MTUS2: variants seen among roughly 807,000 people sequenced by gnomAD.
The protein encoded by MTUS2 is microtubule-associated tumor suppressor candidate 2.
A neutral mutation model predicts 114.1 loss-of-function variants in MTUS2; 40 were observed. The ratio of observed to expected loss-of-function variants is 0.35; its 90% confidence interval spans 0.27 to 0.46. MTUS2 has a LOEUF of 0.46. Ranked by LOEUF, MTUS2 falls within the 20% of genes least tolerant of loss-of-function variation. MTUS2 has a pLI of 1.00. For synonymous variants in MTUS2, 688 were observed against 672.0 expected (o/e 1.02, Z -0.37); for missense variants, 1,679 against 1,705.4 (o/e 0.98, Z 0.27).
At chr13:29,174,776 T>C (rs933894961) in intron 5 of MTUS2, among the ~76,000 whole-genome samples, 3 of 152,220 alleles carry the variant, frequency 2.0e-5, no homozygotes, top group Non-Finnish European at 2.9e-5. Flanking sequence ...GGTTTGTCCC[T>C]TTATCCCAGC....
At chr13:28,920,330 C>A (rs1055315497) in intron 2 of MTUS2, among the ~76,000 whole-genome samples, 2 of 152,162 alleles carry the variant, frequency 1.3e-5, no homozygotes, top group African/African-American at 4.8e-5. Flanking sequence ...GAGGTGCTGC[C>A]TTGGTGGTCT....
chr13:29,324,849 G>A, intron 7 of MTUS2, 138 bp downstream of exon 7: 2 of 649,918 alleles, frequency 3.1e-6, no homozygotes, highest in Middle Eastern at 5.1e-4. Flanking sequence ...ATATGCTGAT[G>A]TTTTCTGACT....
intron 7 of MTUS2, among the ~76,000 whole-genome samples, chr13:29,340,434 A>G (rs1328301090): frequency 6.6e-6 from 1 of 152,200 alleles, no homozygotes; most frequent in Non-Finnish European, 1.5e-5. Context: ...TCATTTACTC[A>G]TATCAGTAAA....
At chr13:29,377,017 G>C (rs1033909301) in intron 8 of MTUS2, among the ~76,000 whole-genome samples, 1 of 152,114 alleles carries the variant, frequency 6.6e-6, no homozygotes, top group Non-Finnish European at 1.5e-5. Flanking sequence ...TATCATAGAA[G>C]AAGAAGAATG....
chr13:29,290,709 CCTT>C (rs1174651581), intron 6 of MTUS2, among the ~76,000 whole-genome samples: 1 of 152,166 alleles, frequency 6.6e-6, no homozygotes, highest in Non-Finnish European at 1.5e-5. Flanking sequence ...ACCTGTCTCT[CCTT>C]CAGGTCTTGA....
intron 2 of MTUS2, among the ~76,000 whole-genome samples, chr13:28,849,785 G>A (rs187897528): frequency 1.3e-5 from 2 of 152,066 alleles, no homozygotes; most frequent in African/African-American, 4.8e-5. Flanking sequence ...TGCCCATGAC[G>A]TTCTTCTGTC....
intron 6 of MTUS2, among the ~76,000 whole-genome samples, chr13:29,309,173 A>G (rs968768720): frequency 6.6e-6 from 1 of 152,218 alleles, no homozygotes; most frequent in African/African-American, 2.4e-5. Context: ...CATGGAGTCA[A>G]CCCAAATTCC....
chr13:29,497,170 G>A, intron 12 of MTUS2, 68 bp from the exon 13 acceptor site: 1 of 1,413,870 alleles, frequency 7.1e-7, no homozygotes, highest in Non-Finnish European at 1.0e-6. Flanking sequence ...GCTGATCACA[G>A]CTGCCCAGGC....
intron 4 of MTUS2, among the ~76,000 whole-genome samples, chr13:29,070,277 GTTTC>G (rs1250369729): frequency 6.6e-6 from 1 of 152,112 alleles, no homozygotes; most frequent in East Asian, 1.9e-4. Context: ...TAATCCATGT[GTTTC>G]TCCTCTCTGG....
intron 9 of MTUS2, among the ~76,000 whole-genome samples, chr13:29,462,958 T>C (rs1301726800): frequency 1.3e-5 from 2 of 152,042 alleles, no homozygotes; most frequent in East Asian, 3.9e-4. Flanking sequence ...ACTTTGCAGG[T>C]ATGATTAACT....
At chr13:29,459,430 T>G (rs1010993828) in intron 9 of MTUS2, among the ~76,000 whole-genome samples, 6 of 152,170 alleles carry the variant, frequency 3.9e-5, no homozygotes, top group African/African-American at 1.4e-4. Context: ...TTCCTCGTTA[T>G]TATTATAGTG....
chr13:29,143,650 G>A (rs888566961), intron 5 of MTUS2, among the ~76,000 whole-genome samples: 1 of 152,204 alleles, frequency 6.6e-6, no homozygotes, highest in Non-Finnish European at 1.5e-5. Context: ...TTGATGGGGT[G>A]CCTCAGGAAT....
chr13:29,483,375 T>A (rs1272028851), intron 10 of MTUS2, among the ~76,000 whole-genome samples: 1 of 152,220 alleles, frequency 6.6e-6, no homozygotes, highest in Non-Finnish European at 1.5e-5. Context: ...CAGAGCTGCT[T>A]CTTGCTTGGC....
chr13:29,097,690 T>A (rs1260690578), intron 4 of MTUS2, among the ~76,000 whole-genome samples: 1 of 152,178 alleles, frequency 6.6e-6, no homozygotes, highest in Non-Finnish European at 1.5e-5. Context: ...ATCTTCTCAT[T>A]ATATCTTCAC....
At chr13:29,388,342 G>A (rs1195545362) in intron 8 of MTUS2, among the ~76,000 whole-genome samples, 2 of 151,812 alleles carry the variant, frequency 1.3e-5, no homozygotes, top group Admixed American at 6.6e-5. Flanking sequence ...GATTAATTTT[G>A]TGGGTAAAAT....
At chr13:29,399,437 A>C (rs763875043) in intron 8 of MTUS2, among the ~76,000 whole-genome samples, 4 of 152,204 alleles carry the variant, frequency 2.6e-5, no homozygotes, top group Admixed American at 1.3e-4. Context: ...TTCAAGATGC[A>C]GTTGCCCTCG....
chr13:28,849,296 T>C (rs928114688), intron 2 of MTUS2, among the ~76,000 whole-genome samples: 5 of 152,186 alleles, frequency 3.3e-5, no homozygotes, highest in African/African-American at 1.2e-4. Context: ...AAGCAAGTGT[T>C]AGGTCAGTAA....
chr13:29,427,556 A>G (rs1876641583), intron 8 of MTUS2, among the ~76,000 whole-genome samples: 1 of 152,214 alleles, frequency 6.6e-6, no homozygotes, highest in Admixed American at 6.5e-5. Context: ...GGATTATGCT[A>G]ATTTACCTGT....
At chr13:29,210,482 T>C (rs1195134457) in intron 5 of MTUS2, among the ~76,000 whole-genome samples, 1 of 152,074 alleles carries the variant, frequency 6.6e-6, no homozygotes, top group African/African-American at 2.4e-5. Flanking sequence ...GTGTGATCTT[T>C]TGGGAGTGTT....
Sources: gnomAD v4.1 joint callset for allele counts (sites outside exome capture counted in the v4.1 genomes callset) on GRCh38, gnomAD v4.1.1 for gene constraint, MANE v1.5 for transcripts, NCBI Gene and HGNC (gene_info 2026-07-23, HGNC 2026-07-21) for gene names.